AKAP9: variants seen among roughly 807,000 people sequenced by gnomAD.
The protein encoded by AKAP9 is A-kinase anchor protein 9.
Under a neutral mutation model 488.5 loss-of-function variants are expected in AKAP9, and 311 were observed. The observed-to-expected ratio is 0.64, with a 90% CI of 0.58 to 0.70. The LOEUF (loss-of-function observed/expected upper bound fraction) is 0.70. Among genes scored for constraint, AKAP9 ranks in the 30% least tolerant of loss-of-function variants. AKAP9 has a pLI of 0.00. For missense variants in AKAP9, 4,215 were observed against 4,374.5 expected (o/e 0.96, Z 1.03); for synonymous variants, 1,462 against 1,483.5 (o/e 0.99, Z 0.33).
intron 16 of AKAP9, 89 bp downstream of exon 16, chr7:92,031,693 C>A: frequency 9.7e-7 from 1 of 1,035,690 alleles, no homozygotes; most frequent in Non-Finnish European, 1.5e-6. Context: ...ATGGTATGTA[C>A]TTTATAAGTT....
chr7:91,942,424 C>A (rs969609842), intron 1 of AKAP9, among the ~76,000 whole-genome samples: 2 of 152,096 alleles, frequency 1.3e-5, no homozygotes, highest in African/African-American at 4.8e-5. Context: ...TTTTTACTTT[C>A]GAATCTATAA....
In AKAP9 at chr7:92,001,425, A is replaced by G. The variant is rs374700234; in HGVS notation, c.1508A>G (p.Gln503Arg). Residue 503 changes from glutamine (Q) to arginine (R), a missense_variant, in exon 8 of 50, where the codon CAA (glutamine) becomes CGA (arginine). Transcript: ENST00000356239. The part of the protein sequence containing the change: ...VAINELNIKL[Q>R]DTNSQKEKLK... ...ATAAATGAACTGAATATAAAATTGC[A>G]AGATACTAACTCTCAAAAGGAAAAA... 3.8e-5 allele frequency: 61 copies of G among 1,613,832 alleles called. 1 individual carries two copies. Among genetic ancestry groups the G allele is most frequent in the Admixed American group, 1.8e-4 (11 of 59,982 alleles).
intron 14 of AKAP9, among the ~76,000 whole-genome samples, chr7:92,028,918 C>G (rs1031516876): frequency 1.7e-4 from 26 of 152,004 alleles, no homozygotes; most frequent in Non-Finnish European, 1.0e-4. Context: ...AAATGGCCAT[C>G]ATTAGGGGTT....
chr7:91,945,141 G>A (rs761124571), intron 1 of AKAP9, among the ~76,000 whole-genome samples: 11 of 152,120 alleles, frequency 7.2e-5, no homozygotes, highest in South Asian at 6.2e-4. Context: ...TGGGAGGATC[G>A]CTTGAGCCCA....
intron 19 of AKAP9, 61 bp from the exon 20 acceptor site, chr7:92,042,607 T>C (rs1051129261): frequency 1.7e-6 from 2 of 1,209,410 alleles, no homozygotes; most frequent in East Asian, 4.7e-5. Flanking sequence ...GACATGCTGT[T>C]TCCAAGTTGA....
chr7:91,984,453 T>C (rs1374389017), intron 3 of AKAP9, among the ~76,000 whole-genome samples: 2 of 152,194 alleles, frequency 1.3e-5, no homozygotes, highest in African/African-American at 4.8e-5. Context: ...TGTGTAGTGT[T>C]ATTTCTGAGG....
chr7:91,943,591 C>T (rs761995702), intron 1 of AKAP9, among the ~76,000 whole-genome samples: 2 of 152,098 alleles, frequency 1.3e-5, no homozygotes, highest in African/African-American at 4.8e-5. Context: ...TATTCTTCCA[C>T]GTTTTGTTAA....
At position 92,101,791 on chromosome 7, in the gene AKAP9, CAAAAAG is replaced by C. The variant is rs1434961978; in HGVS notation, c.11097+741_11097+746del. ...TAATCAGTCAACATAAAATTCAAAA[CAAAAAG>C]AAAAACTTTTGGAACATTTATTCCA... On this transcript the variant is annotated intron_variant, in intron 45 of 49. Coordinates refer to ENST00000356239, the MANE Select transcript of AKAP9 (RefSeq NM_005751.5). Among the ~76,000 whole-genome samples, 4 of 152,094 alleles carry C rather than the reference CAAAAAG, an allele frequency of 2.6e-5. No individual in the cohort carries two copies. In the East Asian group the frequency reaches 7.7e-4, roughly 29 times the overall value.
intron 14 of AKAP9, among the ~76,000 whole-genome samples, chr7:92,024,050 C>T (rs943250387): frequency 6.6e-6 from 1 of 151,918 alleles, no homozygotes; most frequent in African/African-American, 2.4e-5. Context: ...TTTATTTTTT[C>T]TATATTACTT....
At chr7:92,017,317 TATG>T (rs777988475) in intron 12 of AKAP9, among the ~76,000 whole-genome samples, 1 of 152,100 alleles carries the variant, frequency 6.6e-6, no homozygotes, top group Non-Finnish European at 1.5e-5. Context: ...TTTTTAGAAT[TATG>T]ATAAGTTAAA....
In AKAP9 at chr7:92,102,708, G is replaced by T. The variant is rs777423873; in HGVS notation, c.11212G>T (p.Ala3738Ser). The T allele has an allele frequency of 1.2e-6, 2 of 1,614,106 alleles. No individual in the cohort carries two copies. Among genetic ancestry groups the T allele is most frequent in the South Asian group, 2.2e-5 (2 of 91,082 alleles). The change falls in exon 46 of 50, where the codon GCC (alanine) becomes TCC (serine). Residue 3738 changes from alanine (A) to serine (S), a missense_variant. Physicochemically the swap from Ala to Ser is moderately conservative, Grantham distance 99. Transcript: ENST00000356239. ...CCAGGAATGTGAAGATGCCACCTTGGCCCTGCTTGCCCGGATGGGGGGGCA... is the reference window on the plus strand; with the variant it reads ...CCAGGAATGTGAAGATGCCACCTTGTCCCTGCTTGCCCGGATGGGGGGGCA... Reference protein sequence around the residue: ...GFQECEDATLALLARMGGQPA... With the variant: ...GFQECEDATLSLLARMGGQPA...
chr7:92,091,780 A>G (rs1815681957), intron 38 of AKAP9, among the ~76,000 whole-genome samples: 1 of 152,152 alleles, frequency 6.6e-6, no homozygotes, highest in Non-Finnish European at 1.5e-5. Flanking sequence ...GTTAAATAGA[A>G]CACCATTGAA....
intron 7 of AKAP9, among the ~76,000 whole-genome samples, chr7:91,996,724 A>G (rs1054270616): frequency 6.6e-6 from 1 of 152,324 alleles, no homozygotes; most frequent in South Asian, 2.1e-4. Context: ...AAGAATGAGG[A>G]TGGATTGTAC....
At chr7:92,102,897 T>G in intron 46 of AKAP9, 71 bp downstream of exon 46, 1 of 1,306,950 alleles carries the variant, frequency 7.7e-7, no homozygotes, top group Middle Eastern at 2.0e-4. Context: ...TAATTCTCCC[T>G]CTATTCTCTG....
intron 9 of AKAP9, among the ~76,000 whole-genome samples, chr7:92,012,931 C>A (rs1800951948): frequency 7.1e-6 from 1 of 140,374 alleles, no homozygotes; most frequent in African/African-American, 2.7e-5. Flanking sequence ...TACTTCCTGG[C>A]AGGATGAGTA....
rs1435679080 is a variant in AKAP9, at chr7:92,079,776, A to T, written c.7643A>T (p.Glu2548Val). The change falls in exon 31 of 50, where the codon GAA becomes GTA. Residue 2548 changes from glutamate to valine, a missense_variant. Physicochemically the swap from Glu to Val is moderately radical, Grantham distance 121. This residue lies in a region of AKAP9 where 1,476 missense variants were observed against 1,477.4 expected (regional missense o/e 1.00). Coordinates refer to ENST00000356239, the MANE Select transcript of AKAP9 (RefSeq NM_005751.5). ...KKIVNLQKIV[E>V]EKVAAALVSQ... ...ATTGTAAACCTACAGAAAATAGTTG[A>T]AGAAAAAGTGGCTGCTGCTCTTGTC... 4 of 1,614,006 alleles carry T rather than the reference A, an allele frequency of 2.5e-6. No individual in the cohort carries two copies. The African/African-American group carries it at 5.3e-5, about 22-fold the overall frequency.
intron 14 of AKAP9, among the ~76,000 whole-genome samples, chr7:92,025,432 A>G (rs1245699803): frequency 6.6e-6 from 1 of 152,248 alleles, no homozygotes; most frequent in African/African-American, 2.4e-5. Flanking sequence ...CACCGTCCTC[A>G]TTCTTACTAA....
chr7:91,992,587 C>T lies in AKAP9; in HGVS notation c.406-298C>T, dbSNP rs890656976. Reference sequence around the variant, plus strand: ...GCTGAGACAAGAGAATTGCTTGAACCCGGGAGGCGGAGGTTGCAGTGAGCT... The same window carrying T: ...GCTGAGACAAGAGAATTGCTTGAACTCGGGAGGCGGAGGTTGCAGTGAGCT... On this transcript the variant is annotated intron_variant, in intron 4 of 49. Coordinates refer to ENST00000356239, the MANE Select transcript of AKAP9 (RefSeq NM_005751.5). Among the ~76,000 whole-genome samples, 3 of 149,760 alleles carry T rather than the reference C, an allele frequency of 2.0e-5. No homozygotes were observed. The East Asian group carries it at 5.9e-4, about 30-fold the overall frequency.
At chr7:91,996,838 T>G (rs1205980068) in intron 7 of AKAP9, among the ~76,000 whole-genome samples, 4 of 152,204 alleles carry the variant, frequency 2.6e-5, no homozygotes, top group Non-Finnish European at 5.9e-5. Context: ...ATAGTAGTAG[T>G]AATTAGCATT....
Sources: allele counts gnomAD v4.1 joint callset (sites outside exome capture counted in the v4.1 genomes callset), GRCh38; gene constraint gnomAD v4.1.1; regional missense constraint gnomAD v4.1.1; transcripts MANE v1.5; gene names NCBI Gene and HGNC (gene_info 2026-07-23, HGNC 2026-07-21).